The following ANO3 variants were observed in gnomAD, a reference collection of about 807,000 sequenced individuals.
The protein encoded by ANO3 is anoctamin-3.
In ANO3, 99 loss-of-function variants were observed where a neutral mutation model predicts 144.8. That is an observed-to-expected ratio of 0.68 (90% CI 0.58 to 0.81). The LOEUF is 0.81. Ranked by LOEUF, ANO3 falls within the 30% of genes least tolerant of loss-of-function variation. The pLI is 0.00. For synonymous variants in ANO3, 414 were observed against 392.6 expected, an observed-to-expected ratio of 1.05 and a Z score of -0.64; for missense variants, 905 against 1,202.2, an observed-to-expected ratio of 0.75 and a Z score of 3.66.
intron 14 of ANO3, among the ~76,000 whole-genome samples, chr11:26,570,334 G>A (rs1168769667): frequency 1.3e-5 from 2 of 151,926 alleles, no homozygotes; most frequent in Admixed American, 6.6e-5. Flanking sequence ...AACACCTCTG[G>A]CCAGTAAGGG....
chr11:26,641,777 C>A, intron 21 of ANO3, 119 bp from the exon 22 acceptor site: 6 of 1,106,360 alleles, frequency 5.4e-6, no homozygotes, highest in South Asian at 6.1e-5. Context: ...AAGGTAAAAC[C>A]AAATACCTCC....
At chr11:26,348,177 A>C (rs1371747139) in intron 1 of ANO3, among the ~76,000 whole-genome samples, 3 of 152,190 alleles carry the variant, frequency 2.0e-5, no homozygotes, top group African/African-American at 7.2e-5. Context: ...CATACATCTG[A>C]AATTATCACC....
At chr11:26,317,662 G>C (rs1450314330) in intron 1 of ANO3, among the ~76,000 whole-genome samples, 1 of 151,992 alleles carries the variant, frequency 6.6e-6, no homozygotes. Context: ...TGTTGGTAGG[G>C]GTGTAAATTA....
At chr11:26,268,366 T>C (rs1324490496) in intron 1 of ANO3, among the ~76,000 whole-genome samples, 1 of 152,184 alleles carries the variant, frequency 6.6e-6, no homozygotes, top group Non-Finnish European at 1.5e-5. Flanking sequence ...ATGTGACTGT[T>C]GTGAGCACTG....
At chr11:26,224,843 G>T (rs1175543446) in intron 1 of ANO3, among the ~76,000 whole-genome samples, 2 of 152,160 alleles carry the variant, frequency 1.3e-5, no homozygotes, top group Admixed American at 6.6e-5. Context: ...TGGCATCGGG[G>T]CAACCAAAGT....
At chr11:26,451,892 C>G (rs1324574215) in intron 3 of ANO3, among the ~76,000 whole-genome samples, 4 of 152,138 alleles carry the variant, frequency 2.6e-5, no homozygotes, top group African/African-American at 7.2e-5. Context: ...GACAAAACTT[C>G]CAGAGGAACA....
intron 4 of ANO3, among the ~76,000 whole-genome samples, chr11:26,487,259 A>G (rs888831456): frequency 1.3e-5 from 2 of 152,112 alleles, no homozygotes; most frequent in African/African-American, 2.4e-5. Flanking sequence ...ATCTCAAGAG[A>G]TCTGATGGGC....
chr11:26,305,509 T>G (rs1854359975), upstream of ANO3, among the ~76,000 whole-genome samples: 1 of 151,966 alleles, frequency 6.6e-6, no homozygotes, highest in South Asian at 2.1e-4. Context: ...TATTCATAAA[T>G]CCTGATAAAA....
intron 1 of ANO3, among the ~76,000 whole-genome samples, chr11:26,253,463 A>C (rs1309727905): frequency 6.6e-6 from 1 of 151,996 alleles, no homozygotes; most frequent in Non-Finnish European, 1.5e-5. Context: ...ACTAGGCTTA[A>C]CACCTGGGTG....
At chr11:26,236,817 CAAAA>C (rs55979503) in intron 1 of ANO3, among the ~76,000 whole-genome samples, 2 of 86,742 alleles carry the variant, frequency 2.3e-5, no homozygotes, top group Non-Finnish European at 2.2e-5. Context: ...GACTCCGTCT[CAAAA>C]AAAAAAAAAA....
chr11:26,485,221 T>C (rs1372751754), intron 4 of ANO3, among the ~76,000 whole-genome samples: 2 of 152,178 alleles, frequency 1.3e-5, no homozygotes, highest in Non-Finnish European at 1.5e-5. Context: ...TGATATGGTT[T>C]GCGTGTGTGT....
intron 1 of ANO3, among the ~76,000 whole-genome samples, chr11:26,407,068 G>GTATATATATATATATATA (rs760132418): frequency 1.0e-3 from 97 of 96,398 alleles, no homozygotes; most frequent in Non-Finnish European, 1.7e-3. Flanking sequence ...GTGTGTGTGT[G>GTATATATATATATATATA]TGTGTGTGTA....
intron 1 of ANO3, among the ~76,000 whole-genome samples, chr11:26,347,895 G>A (rs1383717851): frequency 2.0e-5 from 3 of 152,168 alleles, no homozygotes; most frequent in Non-Finnish European, 4.4e-5. Flanking sequence ...GTTTTACAGA[G>A]AGCAAGAAAA....
chr11:26,415,343 C>G (rs1168831766), intron 1 of ANO3, among the ~76,000 whole-genome samples: 1 of 151,990 alleles, frequency 6.6e-6, no homozygotes, highest in African/African-American at 2.4e-5. Flanking sequence ...ACTGAGGATG[C>G]TAACATTCAG....
In ANO3 at chr11:26,448,481, A is replaced by G. The variant is rs186174124; in HGVS notation, c.313+4645A>G. 2.1e-3 allele frequency among the ~76,000 whole-genome samples: 316 copies of G among 152,298 alleles called. 1 individual carries two copies. The highest frequency in any genetic ancestry group is 3.8e-3 in the Non-Finnish European group (257 of 68,014). ...GTTCTGAAACATTTATTTGCTTTCTACAAACATAATAGTTTAGCTCAGTGG... is the reference window on the plus strand; with the variant it reads ...GTTCTGAAACATTTATTTGCTTTCTGCAAACATAATAGTTTAGCTCAGTGG... On this transcript the variant is annotated intron_variant, in intron 3 of 26. Coordinates refer to ENST00000256737, the MANE Select transcript of ANO3 (RefSeq NM_031418.4).
At chr11:26,457,157 A>C (rs2134048575) in intron 3 of ANO3, among the ~76,000 whole-genome samples, 2 of 151,414 alleles carry the variant, frequency 1.3e-5, no homozygotes, top group Middle Eastern at 6.8e-3. Context: ...GCGCACCAGC[A>C]TGGCACAGGT....
intron 1 of ANO3, among the ~76,000 whole-genome samples, chr11:26,228,654 A>G (rs1378331426): frequency 6.6e-6 from 1 of 152,246 alleles, no homozygotes; most frequent in East Asian, 1.9e-4. Context: ...AAAGTTCTGA[A>G]ACATAATGGT....
chr11:26,564,726 CACACACATATATATATATATATATATAT>C (rs1330854333), intron 14 of ANO3, among the ~76,000 whole-genome samples: 41 of 49,326 alleles, frequency 8.3e-4, no homozygotes, highest in African/African-American at 2.8e-3. Context: ...CACACACACA[CACACACATATATATATATATATATATAT>C]ATATATATAT....
intron 1 of ANO3, among the ~76,000 whole-genome samples, chr11:26,368,275 G>A (rs1434610508): frequency 6.6e-6 from 1 of 152,174 alleles, no homozygotes; most frequent in African/African-American, 2.4e-5. Context: ...CATAATGATA[G>A]ATGGCTCTTC....
Sources: allele counts gnomAD v4.1 joint callset (sites outside exome capture counted in the v4.1 genomes callset), GRCh38; gene constraint gnomAD v4.1.1; transcripts MANE v1.5; gene names NCBI Gene and HGNC (gene_info 2026-07-23, HGNC 2026-07-21).